GULP1: variants seen among roughly 807,000 people sequenced by gnomAD.
GULP1 encodes GULP PTB domain containing engulfment adaptor 1, also known as PTB domain-containing engulfment adapter protein 1.
In GULP1, 19 loss-of-function variants were observed where a neutral mutation model predicts 40.9. That is an observed-to-expected ratio of 0.46 (90% confidence interval 0.32 to 0.68). GULP1 has a LOEUF of 0.68. GULP1 is among the 30% of genes least tolerant of loss of function. The pLI is 0.03. For missense variants in GULP1, 312 were observed against 362.2 expected (o/e 0.86, Z 1.12); for synonymous variants, 119 against 117.6 (o/e 1.01, Z -0.08).
intron 6 of GULP1, 84 bp downstream of exon 6, chr2:188,529,279 G>A (rs776013804): frequency 1.7e-5 from 12 of 710,446 alleles, no homozygotes; most frequent in African/African-American, 3.7e-5. Flanking sequence ...AAAATTTTTT[G>A]CCACCCTGAA....
chr2:188,318,478 G>T (rs2039468048), intron 1 of GULP1, among the ~76,000 whole-genome samples: 1 of 152,066 alleles, frequency 6.6e-6, no homozygotes. Context: ...CTCCATATAT[G>T]GAAATGTAGC....
chr2:188,380,079 T>C (rs913468349), intron 1 of GULP1, among the ~76,000 whole-genome samples: 2 of 152,222 alleles, frequency 1.3e-5, no homozygotes, highest in African/African-American at 4.8e-5. Flanking sequence ...TGAATATTGG[T>C]TTAATGAAGA....
At chr2:188,446,643 G>A (rs1279481141) in intron 2 of GULP1, among the ~76,000 whole-genome samples, 1 of 152,164 alleles carries the variant, frequency 6.6e-6, no homozygotes, top group African/African-American at 2.4e-5. Context: ...AATTTCTTCA[G>A]TGCCAGTGCT....
chr2:188,546,220 G>T (rs1021541654), intron 7 of GULP1, among the ~76,000 whole-genome samples: 17 of 151,836 alleles, frequency 1.1e-4, no homozygotes, highest in Non-Finnish European at 2.1e-4. Context: ...ATCAACCAGT[G>T]GGATCTAATG....
chr2:188,299,412 C>G (rs1375851183), intron 1 of GULP1, among the ~76,000 whole-genome samples: 2 of 152,270 alleles, frequency 1.3e-5, no homozygotes, highest in South Asian at 4.1e-4. Context: ...TTTACTGTAT[C>G]CTACAATGTA....
chr2:188,354,279 G>C (rs542205680), intron 1 of GULP1, among the ~76,000 whole-genome samples: 1 of 152,148 alleles, frequency 6.6e-6, no homozygotes, highest in African/African-American at 2.4e-5. Context: ...AGCCCTGTTG[G>C]GTCTGGTTCC....
intron 4 of GULP1, among the ~76,000 whole-genome samples, chr2:188,485,786 GT>G (rs148000499): frequency 6.6e-6 from 1 of 152,164 alleles, no homozygotes; most frequent in African/African-American, 2.4e-5. Context: ...ACATAAGGAA[GT>G]TAGTGCTACA....
intron 6 of GULP1, among the ~76,000 whole-genome samples, chr2:188,540,850 T>C (rs973386987): frequency 6.6e-6 from 1 of 152,118 alleles, no homozygotes; most frequent in African/African-American, 2.4e-5. Flanking sequence ...TGGGTCTCAT[T>C]GTTCTCCTCT....
chr2:188,304,813 A>G (rs926638243), intron 1 of GULP1, among the ~76,000 whole-genome samples: 1 of 152,192 alleles, frequency 6.6e-6, no homozygotes, highest in Non-Finnish European at 1.5e-5. Context: ...AAATTAATGC[A>G]TTGTTTAAGG....
chr2:188,524,246 C>A (rs1172338842), intron 5 of GULP1, among the ~76,000 whole-genome samples: 1 of 152,062 alleles, frequency 6.6e-6, no homozygotes, highest in Non-Finnish European at 1.5e-5. Context: ...ATGAATAGAT[C>A]AAATGTAAAG....
intron 7 of GULP1, among the ~76,000 whole-genome samples, chr2:188,563,006 C>A (rs1230969934): frequency 6.6e-6 from 1 of 151,984 alleles, no homozygotes; most frequent in Admixed American, 6.6e-5. Flanking sequence ...TACAATGTAT[C>A]AAAATTTGTA....
At chr2:188,465,475 A>G (rs1223121852) in intron 2 of GULP1, among the ~76,000 whole-genome samples, 1 of 151,920 alleles carries the variant, frequency 6.6e-6, no homozygotes, top group Non-Finnish European at 1.5e-5. Context: ...GCCTGAGGTT[A>G]GTGGAAAGGT....
chr2:188,522,683 A>G (rs538531062), intron 4 of GULP1, 73 bp from the exon 5 acceptor site: 8 of 855,602 alleles, frequency 9.4e-6, no homozygotes, highest in South Asian at 7.2e-5. Context: ...CTATTATGCA[A>G]TCTTATATTT....
intron 1 of GULP1, among the ~76,000 whole-genome samples, chr2:188,362,503 A>G (rs2046230766): frequency 6.6e-6 from 1 of 152,160 alleles, no homozygotes; most frequent in African/African-American, 2.4e-5. Flanking sequence ...AAAACAGTGG[A>G]AGACTTGTGA....
At chr2:188,336,850 G>C (rs1224846820) in intron 1 of GULP1, among the ~76,000 whole-genome samples, 2 of 152,134 alleles carry the variant, frequency 1.3e-5, no homozygotes, top group Non-Finnish European at 2.9e-5. Flanking sequence ...GAAGTTGGCA[G>C]GTCTAGATCA....
chr2:188,404,771 A>T (rs1402956092), intron 2 of GULP1, among the ~76,000 whole-genome samples: 1 of 152,064 alleles, frequency 6.6e-6, no homozygotes, highest in African/African-American at 2.4e-5. Flanking sequence ...CCGAGTCTCC[A>T]TCTCTAGGCT....
intron 4 of GULP1, among the ~76,000 whole-genome samples, chr2:188,485,999 A>ATAAC (rs2061830266): frequency 6.6e-6 from 1 of 152,040 alleles, no homozygotes; most frequent in African/African-American, 2.4e-5. Flanking sequence ...ATTTGATTGA[A>ATAAC]TAACTGGGCA....
intron 1 of GULP1, among the ~76,000 whole-genome samples, chr2:188,345,826 C>G (rs1451197392): frequency 2.6e-5 from 4 of 152,192 alleles, no homozygotes; most frequent in African/African-American, 9.6e-5. Flanking sequence ...CTTATTCCCT[C>G]TTCCTTAAAG....
chr2:188,455,630 A>G lies in GULP1; in HGVS notation c.-44-22029A>G, dbSNP rs1199587101. On this transcript the variant is annotated intron_variant, in intron 2 of 11. Coordinates refer to ENST00000409830, the MANE Select transcript of GULP1 (RefSeq NM_016315.4). ...TTTGTAAATTGCCCAATTTCAGGTT[A>G]TCAGCAGTGAGAAAAAGGACTAATA... Among the ~76,000 whole-genome samples the G allele has an allele frequency of 2.6e-5, 4 of 152,314 alleles. No homozygotes were observed. In the East Asian group the frequency reaches 7.7e-4, roughly 29 times the overall value.
Sources: gnomAD v4.1 joint callset for allele counts (sites outside exome capture counted in the v4.1 genomes callset) on GRCh38, gnomAD v4.1.1 for gene constraint, MANE v1.5 for transcripts, NCBI Gene and HGNC (gene_info 2026-07-23, HGNC 2026-07-21) for gene names.